Variants in TINAG observed in about 807,000 individuals in gnomAD.
TINAG encodes tubulointerstitial nephritis antigen.
In TINAG, 83 loss-of-function variants were observed where a neutral mutation model predicts 72.7. The ratio of observed to expected loss-of-function variants is 1.14; its 90% confidence interval spans 0.96 to 1.37. TINAG has a LOEUF of 1.37. Among genes scored for constraint, TINAG ranks in the 40% most tolerant of loss-of-function variants. The pLI is 0.00. For missense variants in TINAG, 685 were observed against 576.6 expected, an observed-to-expected ratio of 1.19 and a Z score of -1.93; for synonymous variants, 234 against 189.9, an observed-to-expected ratio of 1.23 and a Z score of -1.91.
At chr6:54,383,520 A>G (rs1355250557) in intron 10 of TINAG, among the ~76,000 whole-genome samples, 1 of 152,044 alleles carries the variant, frequency 6.6e-6, no homozygotes, top group Non-Finnish European at 1.5e-5. Context: ...CTGGAGAAAA[A>G]TTTTTGGCCT....
intron 1 of TINAG, among the ~76,000 whole-genome samples, chr6:54,317,270 T>C (rs1192014403): frequency 3.3e-5 from 5 of 152,114 alleles, no homozygotes; most frequent in Non-Finnish European, 7.4e-5. Context: ...GCATCATTTT[T>C]TTCTTTTCTT....
At chr6:54,351,233 C>A in intron 7 of TINAG, 119 bp from the exon 8 acceptor site, 3 of 756,468 alleles carry the variant, frequency 4.0e-6, no homozygotes, top group Non-Finnish European at 6.5e-6. Flanking sequence ...GCATAATATA[C>A]GTGAGTTTTT....
In TINAG at chr6:54,321,408, A is replaced by G. The variant is rs141709313; in HGVS notation, c.509+22A>G. ...ATGGGTGAGAGAAATCTTGCTTTGTATGTTTCTTGACACTGCCATTTACTA... is the reference window on the plus strand; with the variant it reads ...ATGGGTGAGAGAAATCTTGCTTTGTGTGTTTCTTGACACTGCCATTTACTA... On this transcript the variant is annotated intron_variant, in intron 3 of 10. Coordinates refer to ENST00000259782, the MANE Select transcript of TINAG (RefSeq NM_014464.4). 909 of 1,545,972 alleles carry G rather than the reference A, an allele frequency of 5.9e-4. 9 individuals are homozygous for G. In the African/African-American group the frequency reaches 0.011, roughly 18 times the overall value.
At chr6:54,308,247 C>A, upstream of TINAG, 1 of 830,072 alleles carries the variant, frequency 1.2e-6, no homozygotes, top group Non-Finnish European at 1.9e-6. Flanking sequence ...GTCAATGTAT[C>A]TCTATGCATA....
chr6:54,345,346 T>C (rs1280795861), intron 5 of TINAG, among the ~76,000 whole-genome samples: 1 of 152,136 alleles, frequency 6.6e-6, no homozygotes, highest in African/African-American at 2.4e-5. Flanking sequence ...TATCCTTCAG[T>C]TGAAATCTAC....
intron 4 of TINAG, among the ~76,000 whole-genome samples, chr6:54,335,049 C>T (rs1056390223): frequency 1.3e-5 from 2 of 152,090 alleles, no homozygotes; most frequent in African/African-American, 4.8e-5. Context: ...ATAAGGTTTG[C>T]TCTTTCACTT....
intron 4 of TINAG, among the ~76,000 whole-genome samples, chr6:54,340,240 A>AAT (rs1157526258): frequency 6.6e-6 from 1 of 152,140 alleles, no homozygotes; most frequent in Non-Finnish European, 1.5e-5. Flanking sequence ...TCCTGATTAA[A>AAT]ATATTTTTCA....
intron 7 of TINAG, 124 bp downstream of exon 7, chr6:54,350,020 A>G (rs1785226548): frequency 3.3e-6 from 2 of 614,342 alleles, no homozygotes; most frequent in Admixed American, 4.6e-5. Context: ...TTATATTTTC[A>G]TGTATAATTT....
At chr6:54,327,429 A>G (rs1393571944) in intron 4 of TINAG, among the ~76,000 whole-genome samples, 1 of 152,096 alleles carries the variant, frequency 6.6e-6, no homozygotes, top group Non-Finnish European at 1.5e-5. Context: ...CCCAGTTACT[A>G]TGCTTTTCCC....
chr6:54,363,450 T>A (rs746021725), intron 9 of TINAG, among the ~76,000 whole-genome samples: 1 of 151,230 alleles, frequency 6.6e-6, no homozygotes, highest in Non-Finnish European at 1.5e-5. Context: ...AGAAAAGCTG[T>A]AAGACATGAT....
intron 4 of TINAG, among the ~76,000 whole-genome samples, chr6:54,328,326 C>T (rs2150942644): frequency 6.6e-6 from 1 of 152,220 alleles, no homozygotes; most frequent in East Asian, 1.9e-4. Flanking sequence ...CCCAGGCAAA[C>T]AAGATCTGGA....
At chr6:54,374,522 A>G (rs967372694) in intron 9 of TINAG, among the ~76,000 whole-genome samples, 12 of 152,154 alleles carry the variant, frequency 7.9e-5, no homozygotes, top group African/African-American at 2.9e-4. Context: ...TTTACTAGGC[A>G]TGAGCTTTTC....
upstream of TINAG, chr6:54,308,059 C>T: frequency 1.9e-6 from 3 of 1,549,872 alleles, no homozygotes; most frequent in Non-Finnish European, 8.7e-7. Flanking sequence ...TCCTAGCAGG[C>T]AACCTCATGA....
In TINAG at chr6:54,366,577, G is replaced by A. The variant is rs534010690; in HGVS notation, c.1250+11941G>A. On this transcript the variant is annotated intron_variant, in intron 9 of 10. Coordinates refer to ENST00000259782, the MANE Select transcript of TINAG (RefSeq NM_014464.4). The stretch of plus-strand genomic sequence containing the variant: ...GAATAGTGCCTCTGTCCTCAGCATC[G>A]AGATAGAGAAGAGGGAGGGAGGGAG... 1.9e-4 allele frequency among the ~76,000 whole-genome samples: 28 copies of A among 147,918 alleles called. No individual in the cohort carries two copies. The South Asian group carries it at 4.3e-3, about 23-fold the overall frequency.
At chr6:54,385,419 A>G (rs894727931) in intron 10 of TINAG, among the ~76,000 whole-genome samples, 6 of 152,076 alleles carry the variant, frequency 3.9e-5, no homozygotes, top group African/African-American at 1.4e-4. Context: ...TTTATCAGAA[A>G]ACAAAACTTA....
chr6:54,320,677 CTG>C (rs771786632), intron 2 of TINAG, 35 bp downstream of exon 2: 4 of 1,519,072 alleles, frequency 2.6e-6, no homozygotes, highest in East Asian at 2.3e-5. Context: ...CTGAGTTCTA[CTG>C]TGTGTGTATG....
At chr6:54,337,955 T>C (rs976026374) in intron 4 of TINAG, among the ~76,000 whole-genome samples, 5 of 152,188 alleles carry the variant, frequency 3.3e-5, no homozygotes, top group African/African-American at 1.2e-4. Flanking sequence ...ATGATAGTCG[T>C]TCTTGCTGTC....
intron 1 of TINAG, among the ~76,000 whole-genome samples, chr6:54,318,660 C>T (rs995886036): frequency 3.9e-5 from 6 of 151,944 alleles, no homozygotes; most frequent in African/African-American, 1.2e-4. Flanking sequence ...TGATGGGAAA[C>T]GACTTGAAGA....
chr6:54,349,307 T>G (rs1348244170), intron 6 of TINAG, among the ~76,000 whole-genome samples: 4 of 151,968 alleles, frequency 2.6e-5, no homozygotes, highest in Non-Finnish European at 5.9e-5. Context: ...TAATATCCCA[T>G]CTGGAAATAG....
Sources: allele counts gnomAD v4.1 joint callset (sites outside exome capture counted in the v4.1 genomes callset), GRCh38; gene constraint gnomAD v4.1.1; transcripts MANE v1.5; gene names NCBI Gene and HGNC (gene_info 2026-07-23, HGNC 2026-07-21).